The following PCNX1 variants were observed in gnomAD, a reference collection of about 807,000 sequenced individuals.
PCNX1 encodes pecanex-like protein 1.
In PCNX1, 78 loss-of-function variants were observed where a neutral mutation model predicts 242.2. The ratio of observed to expected loss-of-function variants is 0.32; its 90% CI spans 0.27 to 0.39. The LOEUF is 0.39. Among genes scored for constraint, PCNX1 ranks in the 10% least tolerant of loss-of-function variants. The pLI is 1.00. For synonymous variants in PCNX1, 1,024 were observed against 1,032.9 expected (o/e 0.99, Z 0.17); for missense variants, 2,581 against 2,856.5 (o/e 0.90, Z 2.20).
intron 7 of PCNX1, 70 bp downstream of exon 7, chr14:70,988,769 C>G: frequency 6.6e-7 from 1 of 1,505,462 alleles, no homozygotes; most frequent in African/African-American, 1.4e-5. Context: ...CCGCCAGTCC[C>G]AAGAAAGCAT....
At chr14:70,939,259 C>T in intron 1 of PCNX1, among the ~76,000 whole-genome samples, 1 of 152,138 alleles carries the variant, frequency 6.6e-6, no homozygotes. Flanking sequence ...GCTTTCTCTT[C>T]TGGACATTTA....
intron 7 of PCNX1, among the ~76,000 whole-genome samples, chr14:70,990,265 A>AAT (rs959652785): frequency 6.6e-6 from 1 of 151,998 alleles, no homozygotes; most frequent in African/African-American, 2.4e-5. Flanking sequence ...AATTAAAAAA[A>AAT]AATAATAATA....
chr14:71,019,192 G>A, intron 12 of PCNX1, 30 bp downstream of exon 12: 2 of 1,548,720 alleles, frequency 1.3e-6, no homozygotes, highest in Non-Finnish European at 1.8e-6. Context: ...TCATGCTACG[G>A]AATTATATTT....
chr14:71,033,009 T>C (rs181261286), intron 16 of PCNX1, among the ~76,000 whole-genome samples: 180 of 152,338 alleles, frequency 1.2e-3, no homozygotes, highest in Non-Finnish European at 2.1e-3. Context: ...TTCTTTTGCC[T>C]AATATATCAT....
Position 71,108,807 on chromosome 14 carries a change from C to A in PCNX1, c.6505C>A (p.Leu2169Met). 1.9e-6 allele frequency: 3 copies of A among 1,614,262 alleles called. No homozygotes were observed. In the African/African-American group the frequency reaches 4.0e-5, roughly 22 times the overall value. The change falls in exon 34 of 36, where the codon CTG becomes ATG. Residue 2169 changes from leucine to methionine, a missense_variant. This residue lies in a region of PCNX1 where 432 missense variants were observed against 433.6 expected (regional missense o/e 1.00). Coordinates refer to ENST00000304743, the MANE Select transcript of PCNX1 (RefSeq NM_014982.3). ...RNLPSSIQSR[L>M]SMVNQMEPSG... ...CTTGCCATCATCCATCCAATCCCGA[C>A]TGTCGATGGTGAACCAAATGGAACC...
intron 1 of PCNX1, 46 bp downstream of exon 1, chr14:70,908,049 G>A: frequency 6.6e-6 from 10 of 1,512,800 alleles, no homozygotes; most frequent in Non-Finnish European, 7.1e-6. Context: ...CCGCGAGCCG[G>A]TGGGGAGATG....
chr14:70,981,271 C>T (rs1277907217), intron 6 of PCNX1, among the ~76,000 whole-genome samples: 7 of 151,990 alleles, frequency 4.6e-5, no homozygotes, highest in Non-Finnish European at 7.4e-5. Context: ...TGTAGCCTGT[C>T]GTTTAACCTT....
chr14:71,062,477 T>A (rs184732372), intron 26 of PCNX1, among the ~76,000 whole-genome samples: 1,646 of 151,858 alleles, frequency 0.011, 13 homozygotes, highest in Middle Eastern at 0.024. Flanking sequence ...GTTTAAAAAA[T>A]TTTTTAACAA....
intron 8 of PCNX1, among the ~76,000 whole-genome samples, chr14:71,005,920 AC>A (rs1483112371): frequency 6.8e-6 from 1 of 147,920 alleles, no homozygotes; most frequent in Non-Finnish European, 1.5e-5. Context: ...AGGTATCTTA[AC>A]TTTTTTTTTT....
chr14:70,970,004 A>G (rs1021032822), intron 5 of PCNX1: 3 of 149,436 alleles, frequency 2.0e-5, no homozygotes. Context: ...ATACAGGTAC[A>G]TATGTATGTA....
chr14:71,053,469 C>T, intron 24 of PCNX1: 1 of 345,178 alleles, frequency 2.9e-6, no homozygotes, highest in Non-Finnish European at 5.6e-6. Context: ...AGGCGCCCAC[C>T]AGCACACCTG....
chr14:71,084,227 T>C (rs560180183), intron 28 of PCNX1, among the ~76,000 whole-genome samples: 12 of 152,172 alleles, frequency 7.9e-5, no homozygotes, highest in Non-Finnish European at 1.5e-4. Flanking sequence ...GGAAGCTTCG[T>C]CCCAGAGGGG....
Position 70,978,533 on chromosome 14 carries a change from T to C in PCNX1, c.2196T>C (p.Asp732=), listed in dbSNP as rs767597852. 1.2e-6 allele frequency: 2 copies of C among 1,611,988 alleles called. No individual in the cohort carries two copies. Among genetic ancestry groups the C allele is most frequent in the South Asian group, 2.2e-5 (2 of 91,032 alleles). Reference sequence around the variant, plus strand: ...AGGCCAAAGAGGGAGAGGTGCTAGATGAGCTATCTTTATTAGGACGGGCTT... The same window carrying C: ...AGGCCAAAGAGGGAGAGGTGCTAGACGAGCTATCTTTATTAGGACGGGCTT... The part of the protein sequence containing the change: ...DLEAKEGEVL[D]ELSLLGRASQ... The change falls in exon 6 of 36, where the codon GAT becomes GAC. Residue 732 remains aspartate (D), a synonymous_variant. Transcript: ENST00000304743.
At chr14:70,985,819 T>C (rs1390693491) in intron 6 of PCNX1, among the ~76,000 whole-genome samples, 1 of 152,198 alleles carries the variant, frequency 6.6e-6, no homozygotes, top group Non-Finnish European at 1.5e-5. Flanking sequence ...AGATACTGGG[T>C]TTTAAGCAGT....
chr14:70,957,472 A>G (rs2058038141), intron 2 of PCNX1, among the ~76,000 whole-genome samples: 1 of 152,208 alleles, frequency 6.6e-6, no homozygotes, highest in African/African-American at 2.4e-5. Flanking sequence ...GATGCATGCT[A>G]CGACGTGGAT....
intron 7 of PCNX1, among the ~76,000 whole-genome samples, chr14:70,991,314 C>T (rs573857650): frequency 3.3e-5 from 5 of 151,728 alleles, no homozygotes; most frequent in Non-Finnish European, 7.4e-5. Flanking sequence ...AAGCCATTCT[C>T]CTGGCTCAGC....
In PCNX1 at chr14:71,089,356, A is replaced by G. The variant is rs754742548; in HGVS notation, c.5589+14A>G. 6.3e-7 allele frequency: 1 copy of G among 1,593,498 alleles called. No individual in the cohort carries two copies. Among genetic ancestry groups the G allele is most frequent in the Non-Finnish European group, 8.6e-7 (1 of 1,165,066 alleles). On this transcript the variant is annotated intron_variant, in intron 30 of 35. Transcript: ENST00000304743. ...AAACTTCATCAGGTAAGAAGATGAGATTTTTCTAATTCATTACTGGTGTTT... is the reference window on the plus strand; with the variant it reads ...AAACTTCATCAGGTAAGAAGATGAGGTTTTTCTAATTCATTACTGGTGTTT...
chr14:70,978,141 T>C lies in PCNX1; in HGVS notation c.1804T>C (p.Ser602Pro). 6.2e-7 allele frequency: 1 copy of C among 1,614,150 alleles called. No individual in the cohort carries two copies. The highest frequency in any genetic ancestry group is 8.5e-7 in the Non-Finnish European group (1 of 1,180,028). The change falls in exon 6 of 36, where the codon TCT becomes CCT. Residue 602 changes from serine (S) to proline (P), a missense_variant. Transcript: ENST00000304743. ...TGCTATATTTTGTCATGACGAAGACTCTAGTGATCAGAGTGACTTGAGTAG... is the reference window on the plus strand; with the variant it reads ...TGCTATATTTTGTCATGACGAAGACCCTAGTGATCAGAGTGACTTGAGTAG... ...HSAIFCHDED[S>P]SDQSDLSRAS...
chr14:71,095,453 A>G (rs1329657630), intron 30 of PCNX1, among the ~76,000 whole-genome samples: 1 of 152,230 alleles, frequency 6.6e-6, no homozygotes, highest in Non-Finnish European at 1.5e-5. Flanking sequence ...AACTTTTACC[A>G]TTAAAACTGA....
Sources: gnomAD v4.1 joint callset for allele counts (sites outside exome capture counted in the v4.1 genomes callset) on GRCh38, gnomAD v4.1.1 for gene constraint, gnomAD v4.1.1 regional missense constraint, MANE v1.5 for transcripts, NCBI Gene and HGNC (gene_info 2026-07-23, HGNC 2026-07-21) for gene names.